Variants in DDX23 observed in about 807,000 individuals in gnomAD.
DDX23 encodes the protein DEAD-box helicase 23.
A neutral mutation model predicts 102.7 loss-of-function variants in DDX23; 33 were observed. That is an observed-to-expected ratio of 0.32 (90% confidence interval 0.24 to 0.43). DDX23 has a LOEUF of 0.43. Ranked by LOEUF, DDX23 falls within the 20% of genes least tolerant of loss-of-function variation. The pLI is 1.00. For missense variants in DDX23, 549 were observed against 1,086.6 expected (o/e 0.51, Z 6.96); for synonymous variants, 352 against 376.0 (o/e 0.94, Z 0.74).
Position 48,833,491 on chromosome 12 carries a change from A to T in DDX23, c.1589T>A (p.Ile530Asn). The change falls in exon 13 of 17, where the codon ATT (isoleucine) becomes AAT (asparagine). Residue 530 changes from isoleucine (I) to asparagine (N), a missense_variant. Coordinates refer to ENST00000308025, the MANE Select transcript of DDX23 (RefSeq NM_004818.3). ...EIVIATPGRL[I>N]DVLENRYLVL... ...CAGGTAGCGGTTCTCCAGCACATCA[A>T]TCAAACGCCCAGGGGTAGCAATCAC... The T allele has an allele frequency of 6.2e-7, 1 of 1,614,160 alleles. No individual in the cohort carries two copies.
At position 48,836,006 on chromosome 12, in the gene DDX23, G is replaced by T; in HGVS notation, c.1382+115C>A. ...CAATTATTCCCTAATATCCAACAAA[G>T]AATAAAGAAGAAAGCTTCTGATTAT... On this transcript the variant is annotated intron_variant, in intron 11 of 16. Coordinates refer to ENST00000308025, the MANE Select transcript of DDX23 (RefSeq NM_004818.3). This position sits in a 1 kb window ranked among gnomAD's most constrained non-coding sequence, Gnocchi z 6.1. The T allele has an allele frequency of 3.3e-6, 4 of 1,205,636 alleles. No individual in the cohort carries two copies. The highest frequency in any genetic ancestry group is 3.5e-6 in the Non-Finnish European group (3 of 849,156). 74.7% of individuals were successfully genotyped at this position (1,205,636 alleles called of 1,614,324 possible). A position where few individuals can be genotyped will look rare whatever the true frequency, so the allele number is the denominator to read the frequency against.
chr12:48,835,365 G>C (rs898713014), intron 11 of DDX23, among the ~76,000 whole-genome samples: 1 of 152,204 alleles, frequency 6.6e-6, no homozygotes, highest in Non-Finnish European at 1.5e-5. Context: ...TTGAGATCGG[G>C]AGTTTGAGAC....
chr12:48,841,355 C>T (rs1430247841), intron 3 of DDX23, among the ~76,000 whole-genome samples: 2 of 152,182 alleles, frequency 1.3e-5, no homozygotes, highest in African/African-American at 2.4e-5. Flanking sequence ...CATTGCACTC[C>T]AGCCTGGGCA....
intron 3 of DDX23, among the ~76,000 whole-genome samples, chr12:48,842,244 C>A (rs1466388297): frequency 6.7e-6 from 1 of 150,200 alleles, no homozygotes; most frequent in Admixed American, 6.6e-5. Flanking sequence ...TCCCCCCACC[C>A]GGCCAGCCGC....
At chr12:48,844,201 G>T in intron 2 of DDX23, 151 bp from the exon 3 acceptor site, 1 of 761,642 alleles carries the variant, frequency 1.3e-6, no homozygotes. Flanking sequence ...GGAATTCTAA[G>T]AAGCTTTTAT....
intron 6 of DDX23, 49 bp downstream of exon 6, chr12:48,837,893 C>T (rs1938487402): frequency 3.7e-6 from 6 of 1,610,198 alleles, no homozygotes; most frequent in Non-Finnish European, 5.1e-6. Flanking sequence ...GTATCTCATC[C>T]CACTCTTTCC....
At chr12:48,839,785 G>T in intron 5 of DDX23, 59 bp downstream of exon 5, 1 of 1,560,070 alleles carries the variant, frequency 6.4e-7, no homozygotes, top group Non-Finnish European at 8.8e-7. Flanking sequence ...AAGTCACCCA[G>T]TCTGTGGTAT....
At chr12:48,848,213 G>A (rs183134867) in intron 1 of DDX23, among the ~76,000 whole-genome samples, 2,095 of 152,092 alleles carry the variant, frequency 0.014, 47 homozygotes, top group African/African-American at 0.048. Context: ...GTGAACCCGG[G>A]AGGCAGAGCT....
At chr12:48,851,123 T>C (rs1938750713) in intron 1 of DDX23, among the ~76,000 whole-genome samples, 1 of 152,180 alleles carries the variant, frequency 6.6e-6, no homozygotes, top group East Asian at 1.9e-4. Flanking sequence ...GGCACAGTGC[T>C]AGGTGCTATG....
Position 48,829,937 on chromosome 12 carries a change from G to A in DDX23, c.*532C>T. ...TAGAGCATACAGCACCCCTTGGTGC[G>A]GGGCTGTGCACAGGTCTAAAGACTC... On this transcript the variant is annotated 3_prime_UTR_variant, in exon 17 of 17. Transcript: ENST00000308025. The A allele has an allele frequency of 1.2e-5, 4 of 332,964 alleles. No homozygotes were observed. Among genetic ancestry groups the A allele is most frequent in the East Asian group, 7.9e-5 (1 of 12,702 alleles). 20.6% of individuals were successfully genotyped at this position (332,964 alleles called of 1,614,324 possible).
At chr12:48,843,828 G>A (rs564731423) in intron 3 of DDX23, 112 bp downstream of exon 3, 76 of 1,171,954 alleles carry the variant, frequency 6.5e-5, no homozygotes, top group South Asian at 5.2e-4. Context: ...GATTACAGGC[G>A]TGAGCCACCA....
intron 11 of DDX23, chr12:48,835,057 C>T (rs767623869): frequency 1.1e-4 from 18 of 166,556 alleles, no homozygotes; most frequent in Non-Finnish European, 2.2e-4. Flanking sequence ...CCAGTCTAGG[C>T]AACATGGTAA....
intron 12 of DDX23, 68 bp from the exon 13 acceptor site, chr12:48,833,587 C>T: frequency 6.4e-7 from 1 of 1,564,616 alleles, no homozygotes; most frequent in Non-Finnish European, 8.6e-7. Context: ...GTGAACTATC[C>T]ACCCACTTGG....
chr12:48,838,805 A>T (rs1343947313), intron 5 of DDX23, among the ~76,000 whole-genome samples: 1 of 151,998 alleles, frequency 6.6e-6, no homozygotes, highest in Non-Finnish European at 1.5e-5. Context: ...GTGAGCCGAG[A>T]TCATGCCACT....
chr12:48,832,107 C>T lies in DDX23; in HGVS notation c.2035G>A (p.Val679Met). Residue 679 changes from valine (V) to methionine (M), a missense_variant, in exon 15 of 17, where the codon GTG (valine) becomes ATG (methionine). By Grantham distance (21) the Val-to-Met change is conservative. Transcript: ENST00000308025. The surrounding 1 kb of genome is among the most constrained non-coding windows in gnomAD (Gnocchi z 4.4). Reference protein sequence around the residue: ...IFVNQKKGCDVLAKSLEKMGY... With the variant: ...IFVNQKKGCDMLAKSLEKMGY... Reference sequence around the variant, plus strand: ...ATCTTCTCCAGGGATTTGGCCAACACGTCGCAGCCCTTCTTCTGGTTGACA... The same window carrying T: ...ATCTTCTCCAGGGATTTGGCCAACATGTCGCAGCCCTTCTTCTGGTTGACA... 1.9e-6 allele frequency: 3 copies of T among 1,613,986 alleles called. No homozygotes were observed. The highest frequency in any genetic ancestry group is 2.5e-6 in the Non-Finnish European group (3 of 1,180,020).
intron 1 of DDX23, among the ~76,000 whole-genome samples, chr12:48,849,054 C>A (rs1025182469): frequency 2.0e-5 from 3 of 151,910 alleles, no homozygotes; most frequent in African/African-American, 7.2e-5. Context: ...CCGGCCCCAA[C>A]TAATTCTTAA....
At chr12:48,847,548 G>C (rs977361664) in intron 1 of DDX23, among the ~76,000 whole-genome samples, 4 of 151,694 alleles carry the variant, frequency 2.6e-5, no homozygotes, top group Admixed American at 6.6e-5. Context: ...CCTATGTCTT[G>C]ACTGGGTGTG....
In DDX23 at chr12:48,837,336, T is replaced by G; in HGVS notation, c.811A>C (p.Lys271Gln). The G allele has an allele frequency of 6.2e-7, 1 of 1,614,048 alleles. No individual in the cohort carries two copies. Among genetic ancestry groups the G allele is most frequent in the Non-Finnish European group, 8.5e-7 (1 of 1,179,998 alleles). The change falls in exon 8 of 17, where the codon AAA becomes CAA. Residue 271 changes from lysine to glutamine, a missense_variant. Physicochemically the swap from Lys to Gln is moderately conservative, Grantham distance 53 (BLOSUM62 1). Around this residue, in one of 4 missense-constraint regions of DDX23, gnomAD observed 270 missense variants for 707.0 expected, o/e 0.38. Transcript: ENST00000308025. The stretch of plus-strand genomic sequence containing the variant: ...GATGCATCCCACTCAAAAACAAATT[T>G]CCGGTCATTGAGATGTCTCGTTCGG... Reference protein sequence around the residue: ...RRRTRHLNDRKFVFEWDASED... With the variant: ...RRRTRHLNDRQFVFEWDASED...
Position 48,829,820 on chromosome 12 carries a change from A to T in DDX23, c.*649T>A. ...CAAACTTATCTTCTCAGAGAATAGA[A>T]AACAGAGATTTCACTCAGTGACAAA... On this transcript the variant is annotated 3_prime_UTR_variant, in exon 17 of 17. Coordinates refer to ENST00000308025, the MANE Select transcript of DDX23 (RefSeq NM_004818.3). 1 of 227,444 alleles carries T rather than the reference A, an allele frequency of 4.4e-6. No homozygotes were observed. Among genetic ancestry groups the T allele is most frequent in the Non-Finnish European group, 8.8e-6 (1 of 113,954 alleles). The allele number at this position is 227,444 out of a possible 1,614,324, so 14.1% of individuals were successfully genotyped here. A position where few individuals can be genotyped will look rare whatever the true frequency, so the allele number is the denominator to read the frequency against.
Sources: allele counts gnomAD v4.1 joint callset (sites outside exome capture counted in the v4.1 genomes callset), GRCh38; gene constraint gnomAD v4.1.1; regional missense constraint gnomAD v4.1.1; non-coding constraint Gnocchi (gnomAD v3.1); transcripts MANE v1.5; gene names NCBI Gene and HGNC (gene_info 2026-07-23, HGNC 2026-07-21).